Variants in NRIP1 observed in about 807,000 individuals in gnomAD.
NRIP1 encodes the protein nuclear receptor-interacting protein 1.
Under a neutral mutation model 75.0 loss-of-function variants are expected in NRIP1, and 28 were observed. The observed-to-expected ratio is 0.37, with a 90% CI of 0.28 to 0.51. The LOEUF is 0.51. Ranked by LOEUF, NRIP1 falls within the 20% of genes least tolerant of loss-of-function variation. NRIP1 has a pLI of 0.92. For missense variants in NRIP1, 1,435 were observed against 1,343.7 expected (o/e 1.07, Z -1.06); for synonymous variants, 526 against 487.6 (o/e 1.08, Z -1.04).
chr21:14,976,202 A>G (rs2087062559), intron 3 of NRIP1, among the ~76,000 whole-genome samples: 1 of 152,150 alleles, frequency 6.6e-6, no homozygotes, highest in Admixed American at 6.5e-5. Flanking sequence ...AAAATCCTTT[A>G]AAGTTTATAA....
At chr21:14,974,675 C>T (rs2087000428) in intron 3 of NRIP1, among the ~76,000 whole-genome samples, 2 of 152,174 alleles carry the variant, frequency 1.3e-5, no homozygotes, top group Admixed American at 1.3e-4. Context: ...GTTTTTGCCA[C>T]AAAACACTTG....
At chr21:14,973,423 G>A (rs2086959523) in intron 3 of NRIP1, among the ~76,000 whole-genome samples, 2 of 152,142 alleles carry the variant, frequency 1.3e-5, no homozygotes, top group African/African-American at 4.8e-5. Context: ...CATGCAAAGT[G>A]AAGAAACATC....
chr21:14,973,677 A>ATT (rs2086967161), intron 3 of NRIP1, among the ~76,000 whole-genome samples: 1 of 115,396 alleles, frequency 8.7e-6, no homozygotes, highest in Non-Finnish European at 1.9e-5. Flanking sequence ...CAGCTCGCAT[A>ATT]ATTTTTTTTT....
In NRIP1 at chr21:14,964,593, T is replaced by C. The variant is rs1279323568; in HGVS notation, c.*123A>G. The C allele has an allele frequency of 2.5e-6, 2 of 814,676 alleles. No individual in the cohort carries two copies. The highest frequency in any genetic ancestry group is 4.5e-5 in the South Asian group (2 of 44,212). 50.5% of individuals were successfully genotyped at this position (814,676 alleles called of 1,614,324 possible). ...TTCAACATCACCAGTAACCAATACT[T>C]TTCAAAATGAAAAAAGTTTCAATTA... On this transcript the variant is annotated 3_prime_UTR_variant, in exon 4 of 4. Transcript: ENST00000318948.
At chr21:14,998,859 T>C (rs571200562) in intron 3 of NRIP1, among the ~76,000 whole-genome samples, 9 of 152,234 alleles carry the variant, frequency 5.9e-5, no homozygotes, top group Non-Finnish European at 1.3e-4. Context: ...GTGAGGCTTC[T>C]GGTCAACAGT....
At chr21:15,044,033 G>A (rs1371429650) in intron 1 of NRIP1, among the ~76,000 whole-genome samples, 2 of 152,062 alleles carry the variant, frequency 1.3e-5, no homozygotes, top group Non-Finnish European at 2.9e-5. Context: ...TGGCCAGGCC[G>A]ATCTCAAACT....
At chr21:15,054,075 G>C (rs997070194) in intron 1 of NRIP1, among the ~76,000 whole-genome samples, 1 of 152,120 alleles carries the variant, frequency 6.6e-6, no homozygotes, top group Admixed American at 6.6e-5. Flanking sequence ...AAAAGAGTCA[G>C]GAAATTCACC....
At chr21:15,005,468 TTTG>T (rs1391079620) in intron 3 of NRIP1, among the ~76,000 whole-genome samples, 2 of 152,126 alleles carry the variant, frequency 1.3e-5, no homozygotes, top group African/African-American at 4.8e-5. Context: ...GCATAATTTT[TTTG>T]TTGTTGTTGA....
intron 3 of NRIP1, among the ~76,000 whole-genome samples, chr21:14,987,532 C>T (rs1315492327): frequency 6.6e-6 from 1 of 152,140 alleles, no homozygotes; most frequent in African/African-American, 2.4e-5. Context: ...TTGACAGGGG[C>T]TTAGCAAAGG....
At chr21:14,973,096 G>A (rs1211394201) in intron 3 of NRIP1, among the ~76,000 whole-genome samples, 2 of 152,166 alleles carry the variant, frequency 1.3e-5, no homozygotes, top group African/African-American at 2.4e-5. Context: ...TTGTGCATGT[G>A]TCTATTTAAA....
chr21:15,018,591 G>A (rs953178461), intron 2 of NRIP1, among the ~76,000 whole-genome samples: 1 of 152,138 alleles, frequency 6.6e-6, no homozygotes, highest in Non-Finnish European at 1.5e-5. Context: ...GATGACCAAA[G>A]TAGGTAGTAA....
rs779339850 is a variant in NRIP1 at position 14,966,112 on chromosome 21, G to C, written c.2081C>G (p.Pro694Arg). 6.2e-7 allele frequency: 1 copy of C among 1,612,448 alleles called. No homozygotes were observed. Among genetic ancestry groups the C allele is most frequent in the East Asian group, 2.2e-5 (1 of 44,878 alleles). ...NKAFSSQPTG[P>R]EPGLSGSEIE... Reference sequence around the variant, plus strand: ...TTCAGAACCAGAAAGCCCTGGTTCAGGACCTGTTGGTTGACTACTAAATGC... The same window carrying C: ...TTCAGAACCAGAAAGCCCTGGTTCACGACCTGTTGGTTGACTACTAAATGC... Residue 694 changes from proline to arginine, a missense_variant, in exon 4 of 4, where the codon CCT becomes CGT. Coordinates refer to ENST00000318948, the MANE Select transcript of NRIP1 (RefSeq NM_003489.4).
At chr21:15,036,218 G>A (rs1239803634) in intron 2 of NRIP1, among the ~76,000 whole-genome samples, 2 of 152,092 alleles carry the variant, frequency 1.3e-5, no homozygotes, top group African/African-American at 2.4e-5. Context: ...GATAATAAAG[G>A]GCTGTGTATA....
In NRIP1 at chr21:14,963,566, GTTTT is replaced by G. The variant is rs1278267697; in HGVS notation, c.*1146_*1149del. 6.6e-6 allele frequency: 1 copy of G among 152,418 alleles called. No homozygotes were observed. The allele number at this position is 152,418 out of a possible 1,614,324, so 9.4% of individuals were successfully genotyped here. A position where few individuals can be genotyped will look rare whatever the true frequency, so the allele number is the denominator to read the frequency against. On this transcript the variant is annotated 3_prime_UTR_variant, in exon 4 of 4. Transcript: ENST00000318948. ...TTGGGGAAAATAGAGGCATCACATA[GTTTT>G]TTGTTTTTGTTTTACAGTCTCATGT...
chr21:15,059,676 C>T (rs2089382337), intron 1 of NRIP1, among the ~76,000 whole-genome samples: 1 of 152,064 alleles, frequency 6.6e-6, no homozygotes, highest in Admixed American at 6.5e-5. Flanking sequence ...ATTTGTTTAG[C>T]AGGTAATTAT....
In NRIP1 at chr21:14,970,110, C is replaced by T. The variant is rs190079677; in HGVS notation, c.-334-1584G>A. On this transcript the variant is annotated intron_variant, in intron 3 of 3. Coordinates refer to ENST00000318948, the MANE Select transcript of NRIP1 (RefSeq NM_003489.4). ...CCAGCTAAACACTACTTTTCTCCCC[C>T]CTCTGGTTATATTTTACAATTGATG... Among the ~76,000 whole-genome samples, 19 of 152,256 alleles carry T rather than the reference C, an allele frequency of 1.2e-4. No homozygotes were observed. In the South Asian group the frequency reaches 1.5e-3, roughly 12 times the overall value.
chr21:14,988,214 T>C (rs551843639), intron 3 of NRIP1: 1 of 152,310 alleles, frequency 6.6e-6, no homozygotes, highest in Non-Finnish European at 1.5e-5. Context: ...ATAATAATAG[T>C]ATTTACCTTA....
intron 2 of NRIP1, among the ~76,000 whole-genome samples, chr21:15,018,802 C>T (rs1355903744): frequency 6.6e-6 from 1 of 152,084 alleles, no homozygotes; most frequent in Non-Finnish European, 1.5e-5. Context: ...CCACATGCTC[C>T]AAAATAGGCT....
intron 3 of NRIP1, among the ~76,000 whole-genome samples, chr21:15,004,976 T>C (rs1176952426): frequency 6.6e-6 from 1 of 152,236 alleles, no homozygotes; most frequent in Non-Finnish European, 1.5e-5. Flanking sequence ...CATGTGATAA[T>C]GTTTCTAGGA....
Sources: allele counts gnomAD v4.1 joint callset (sites outside exome capture counted in the v4.1 genomes callset), GRCh38; gene constraint gnomAD v4.1.1; transcripts MANE v1.5; gene names NCBI Gene and HGNC (gene_info 2026-07-23, HGNC 2026-07-21).